ADAR: variants seen among roughly 807,000 people sequenced by gnomAD.
ADAR encodes double-stranded RNA-specific adenosine deaminase.
Under a neutral mutation model 113.2 loss-of-function variants are expected in ADAR, and 41 were observed. That is an observed-to-expected ratio of 0.36 (90% CI 0.28 to 0.47). ADAR has a LOEUF of 0.47. ADAR is among the 20% of genes least tolerant of loss of function. The pLI, the probability that ADAR is intolerant of heterozygous loss-of-function variation, is 1.00. For synonymous variants in ADAR, 605 were observed against 572.6 expected (o/e 1.06, Z -0.81); for missense variants, 1,242 against 1,540.9 (o/e 0.81, Z 3.25).
rs1313399962 is a variant in ADAR at position 154,608,000 on chromosome 1, G to A, written c.7C>T (p.Pro3Ser). MN[P>S]RQGYSLSGYY... The stretch of plus-strand genomic sequence containing the variant: ...AGGCCGGCCCGGCTTACCTGCCGCG[G>A]ATTCATTGCGCCCGCGAGGCATTGC... Residue 3 changes from proline (P) to serine (S), a missense_variant, in exon 1 of 15, where the codon CCG becomes TCG. Transcript: ENST00000368474. 2 of 1,606,270 alleles carry A rather than the reference G, an allele frequency of 1.2e-6. No individual in the cohort carries two copies. Among genetic ancestry groups the A allele is most frequent in the Non-Finnish European group, 1.7e-6 (2 of 1,176,786 alleles).
Position 154,589,235 on chromosome 1 carries a change from A to T in ADAR, c.2762+134T>A. On this transcript the variant is annotated intron_variant, in intron 9 of 14. Coordinates refer to ENST00000368474, the MANE Select transcript of ADAR (RefSeq NM_001111.5). ...GACAGGTTCAAATGGACGGGTGAAA[A>T]GCAAAGGCTGCCACTGCCACATCAT... 4.0e-6 allele frequency: 3 copies of T among 750,130 alleles called. No individual in the cohort carries two copies. The Admixed American group carries it at 5.9e-5, about 15-fold the overall frequency. 46.5% of individuals were successfully genotyped at this position (750,130 alleles called of 1,614,324 possible). A position where few individuals can be genotyped will look rare whatever the true frequency, so the allele number is the denominator to read the frequency against.
intron 7 of ADAR, 28 bp downstream of exon 7, chr1:154,590,156 A>G: frequency 2.1e-6 from 2 of 953,836 alleles, no homozygotes; most frequent in Non-Finnish European, 3.2e-6. Flanking sequence ...CCCGCCCCAA[A>G]AAAGGCACCA....
At chr1:154,624,327 G>A (rs545375264) in intron 1 of ADAR, among the ~76,000 whole-genome samples, 191 of 152,318 alleles carry the variant, frequency 1.3e-3, no homozygotes, top group South Asian at 7.9e-3. Flanking sequence ...TGATGTCAGA[G>A]GGTCTCACCT....
intron 1 of ADAR, among the ~76,000 whole-genome samples, chr1:154,627,429 C>T (rs1373939997): frequency 6.6e-6 from 1 of 152,240 alleles, no homozygotes; most frequent in African/African-American, 2.4e-5. Flanking sequence ...GCAGCAAAAG[C>T]GCCTACCGCG....
intron 7 of ADAR, 89 bp downstream of exon 7, chr1:154,590,095 T>A: frequency 6.6e-7 from 1 of 1,506,258 alleles, no homozygotes; most frequent in Admixed American, 1.7e-5. Context: ...AGCCTAGGAA[T>A]AACTCGCATG....
At chr1:154,610,012 G>A (rs1311853099), upstream of ADAR, among the ~76,000 whole-genome samples, 2 of 152,028 alleles carry the variant, frequency 1.3e-5, no homozygotes, top group Non-Finnish European at 2.9e-5. Context: ...TATAACAATG[G>A]GCAAAAACAA....
intron 1 of ADAR, among the ~76,000 whole-genome samples, chr1:154,603,504 C>A (rs781377227): frequency 1.3e-5 from 2 of 152,162 alleles, no homozygotes; most frequent in African/African-American, 4.8e-5. Flanking sequence ...CCAGTCCTAC[C>A]TTCCCTAGCT....
At chr1:154,626,263 C>T (rs1470982710) in intron 1 of ADAR, among the ~76,000 whole-genome samples, 4 of 151,768 alleles carry the variant, frequency 2.6e-5, no homozygotes, top group African/African-American at 9.7e-5. Flanking sequence ...CACAGATGTG[C>T]ACCATCATGC....
chr1:154,590,135 A>AGGCGGGG, intron 7 of ADAR, 49 bp downstream of exon 7: 17 of 1,204,894 alleles, frequency 1.4e-5, no homozygotes, highest in Non-Finnish European at 1.8e-5. Flanking sequence ...CTTAGGAGTT[A>AGGCGGGG]GGAGGACCCC....
intron 1 of ADAR, among the ~76,000 whole-genome samples, chr1:154,607,331 ATTTCAG>A (rs1698258847): frequency 3.3e-5 from 5 of 152,158 alleles, no homozygotes; most frequent in Admixed American, 3.3e-4. Flanking sequence ...ATGTGGATGT[ATTTCAG>A]TTTATCTGTT....
chr1:154,612,140 T>G (rs748267455), upstream of ADAR, among the ~76,000 whole-genome samples: 1 of 152,164 alleles, frequency 6.6e-6, no homozygotes, highest in Non-Finnish European at 1.5e-5. Context: ...AACCAGACTT[T>G]ACTACACACA....
chr1:154,585,482 A>T, intron 13 of ADAR, 138 bp from the exon 14 acceptor site: 1 of 1,263,596 alleles, frequency 7.9e-7, no homozygotes, highest in Non-Finnish European at 1.1e-6. Context: ...TGTTTGGCTA[A>T]GACTGAGCAC....
intron 1 of ADAR, among the ~76,000 whole-genome samples, chr1:154,619,421 GCTGAATCAACCAT>G (rs1324492856): frequency 6.6e-6 from 1 of 152,182 alleles, no homozygotes; most frequent in East Asian, 1.9e-4. Flanking sequence ...ATGCTGGGTT[GCTGAATCAACCAT>G]CATGGGAACT....
rs759905537 is a variant in ADAR, at chr1:154,601,969, G to A, written c.673C>T (p.Pro225Ser). 8 of 1,614,050 alleles carry A rather than the reference G, an allele frequency of 5.0e-6. No homozygotes were observed. Among genetic ancestry groups the A allele is most frequent in the Admixed American group, 1.7e-5 (1 of 59,994 alleles). The change falls in exon 2 of 15, where the codon CCG becomes TCG. Residue 225 changes from proline (P) to serine (S), a missense_variant. Transcript: ENST00000368474. The surrounding 1 kb of genome is among the most constrained non-coding windows in gnomAD (Gnocchi z 4.7). ...TTTCTGTCTTCCGGTTCCAAACTCG[G>A]GTCTGAGTTTGGGGCTCCTTGGCTA... ...GHSQGAPNSD[P>S]SLEPEDRNST...
intron 6 of ADAR, among the ~76,000 whole-genome samples, chr1:154,596,112 C>T (rs1219649832): frequency 1.3e-5 from 2 of 152,180 alleles, no homozygotes; most frequent in Non-Finnish European, 2.9e-5. Flanking sequence ...CTCACAACAA[C>T]AAAACCATGC....
chr1:154,601,307 C>A lies in ADAR; in HGVS notation c.1335G>T (p.Gly445=), dbSNP rs756663454. ...PVHYNGPSKA[G]YVDFENGQWA... ...ACTGGCCATTTTCAAAGTCAACATA[C>A]CCTGCTTTTGAGGGGCCATTGTAAT... Residue 445 remains glycine, a synonymous_variant, in exon 2 of 15, where the codon GGG becomes GGT. Coordinates refer to ENST00000368474, the MANE Select transcript of ADAR (RefSeq NM_001111.5). The surrounding 1 kb of genome is among the most constrained non-coding windows in gnomAD (Gnocchi z 4.7). 2 of 1,614,234 alleles carry A rather than the reference C, an allele frequency of 1.2e-6. No individual in the cohort carries two copies. Among genetic ancestry groups the A allele is most frequent in the South Asian group, 1.1e-5 (1 of 91,084 alleles).
chr1:154,602,767 G>T, intron 1 of ADAR, 141 bp from the exon 2 acceptor site: 2 of 1,055,202 alleles, frequency 1.9e-6, no homozygotes, highest in Non-Finnish European at 2.7e-6. Flanking sequence ...ACTTGGCTAG[G>T]GTGACTTGCC....
chr1:154,602,520 A>G lies in ADAR; in HGVS notation c.122T>C (p.Leu41Pro), dbSNP rs772901944. ...GPGSSPSSFLLKQIEFLKGQL... is the reference protein window; with the variant it reads ...GPGSSPSSFLPKQIEFLKGQL... The stretch of plus-strand genomic sequence containing the variant: ...CCCCTTGAGAAATTCTATTTGCTTA[A>G]GCAGGAAACTACTGGGGGAAGATCC... Residue 41 changes from leucine to proline, a missense_variant, in exon 2 of 15, where the codon CTT becomes CCT. This residue lies in a region of ADAR where 462 missense variants were observed against 483.1 expected (regional missense o/e 0.96). Coordinates refer to ENST00000368474, the MANE Select transcript of ADAR (RefSeq NM_001111.5). 8.7e-6 allele frequency: 14 copies of G among 1,614,238 alleles called. No individual in the cohort carries two copies. The South Asian group carries it at 1.5e-4, about 18-fold the overall frequency.
At position 154,616,513 on chromosome 1, in the gene ADAR, G is replaced by C. The variant is rs1214939282; in HGVS notation, c.-871+11342C>G. 2.6e-5 allele frequency among the ~76,000 whole-genome samples: 4 copies of C among 152,076 alleles called. No homozygotes were observed. In the East Asian group the frequency reaches 7.7e-4, roughly 29 times the overall value. On this transcript the variant is annotated intron_variant, in intron 1 of 14. Coordinates refer to the ADAR transcript ENST00000368471. The stretch of plus-strand genomic sequence containing the variant: ...CCTATGATTTGCCCTTCAGATCTCA[G>C]GGTAGTCAACACTTCTGGAGGAAGA...
Sources: gnomAD v4.1 joint callset for allele counts (sites outside exome capture counted in the v4.1 genomes callset) on GRCh38, gnomAD v4.1.1 for gene constraint, gnomAD v4.1.1 regional missense constraint, Gnocchi (gnomAD v3.1) non-coding constraint, MANE v1.5 for transcripts, NCBI Gene and HGNC (gene_info 2026-07-23, HGNC 2026-07-21) for gene names.